DSCAM: variants seen among roughly 807,000 people sequenced by gnomAD.
The protein encoded by DSCAM is cell adhesion molecule DSCAM.
In DSCAM, 47 loss-of-function variants were observed where a neutral mutation model predicts 217.7. That is an observed-to-expected ratio of 0.22 (90% CI 0.17 to 0.28). The LOEUF (loss-of-function observed/expected upper bound fraction) is 0.28. Among genes scored for constraint, DSCAM ranks in the 10% least tolerant of loss-of-function variants. The pLI, the probability that DSCAM is intolerant of heterozygous loss-of-function variation, is 1.00. For missense variants in DSCAM, 2,080 were observed against 2,618.3 expected (o/e 0.79, Z 4.49); for synonymous variants, 1,056 against 1,015.3 (o/e 1.04, Z -0.76).
At chr21:40,478,437 T>TTGG (rs1390938089) in intron 3 of DSCAM, among the ~76,000 whole-genome samples, 1 of 152,206 alleles carries the variant, frequency 6.6e-6, no homozygotes, top group Non-Finnish European at 1.5e-5. Context: ...TTTAAAAAGA[T>TTGG]TGGTCATTTT....
At chr21:40,055,163 A>G (rs948319529) in intron 29 of DSCAM, among the ~76,000 whole-genome samples, 7 of 152,120 alleles carry the variant, frequency 4.6e-5, no homozygotes, top group Non-Finnish European at 8.8e-5. Context: ...AAACCCTAAA[A>G]CTAGGGCCCT....
intron 10 of DSCAM, among the ~76,000 whole-genome samples, chr21:40,280,614 C>T (rs2073747773): frequency 1.3e-5 from 2 of 152,186 alleles, no homozygotes; most frequent in South Asian, 4.1e-4. Flanking sequence ...ATTAGGGAAT[C>T]TGAATTTTTT....
rs2076099881 is a variant in DSCAM, at chr21:40,494,272, G to C, written c.509-125027C>G. 3.3e-5 allele frequency among the ~76,000 whole-genome samples: 5 copies of C among 152,066 alleles called. No homozygotes were observed. The South Asian group carries it at 8.3e-4, about 25-fold the overall frequency. Reference sequence around the variant, plus strand: ...AAGAGTGGATAAGTGGATTTAAAAAGAACACAACATGACCCAACTATGTGC... The same window carrying C: ...AAGAGTGGATAAGTGGATTTAAAAACAACACAACATGACCCAACTATGTGC... On this transcript the variant is annotated intron_variant, in intron 3 of 32. Transcript: ENST00000400454.
intron 26 of DSCAM, 59 bp downstream of exon 26, chr21:40,078,628 G>A: frequency 1.3e-6 from 2 of 1,571,072 alleles, no homozygotes; most frequent in Non-Finnish European, 1.7e-6. Context: ...AAAGGGGCAG[G>A]GCCCACGTGC....
chr21:40,682,611 GAA>G lies in DSCAM; in HGVS notation c.508+10197_508+10198del, dbSNP rs1304979818. On this transcript the variant is annotated intron_variant, in intron 3 of 32. Coordinates refer to ENST00000400454, the MANE Select transcript of DSCAM (RefSeq NM_001389.5). ...AGAGAGAGAGAAAGAGAGAAAGAAA[GAA>G]AGAGAAAGAGAAAGAGAGAGAAAGA... is the stretch of plus-strand genomic sequence containing the variant. Among the ~76,000 whole-genome samples the G allele has an allele frequency of 5.8e-3, 495 of 85,686 alleles. 62 individuals are homozygous for G. The highest frequency in any genetic ancestry group is 6.3e-3 in the Non-Finnish European group (259 of 41,272). 56.2% of individuals were successfully genotyped at this position (85,686 alleles called of 152,430 possible).
At chr21:40,812,705 G>C (rs2091849236) in intron 1 of DSCAM, among the ~76,000 whole-genome samples, 2 of 152,166 alleles carry the variant, frequency 1.3e-5, no homozygotes, top group Non-Finnish European at 2.9e-5. Flanking sequence ...AGAAAGTTAT[G>C]GGCACACATT....
intron 11 of DSCAM, among the ~76,000 whole-genome samples, chr21:40,227,405 G>C (rs1388319713): frequency 6.6e-6 from 1 of 152,222 alleles, no homozygotes; most frequent in Admixed American, 6.5e-5. Context: ...CTTTGGAAAA[G>C]GGTCATTTTT....
At chr21:40,534,446 T>G (rs2076479348) in intron 3 of DSCAM, among the ~76,000 whole-genome samples, 1 of 152,172 alleles carries the variant, frequency 6.6e-6, no homozygotes, top group Non-Finnish European at 1.5e-5. Flanking sequence ...GACTAGAAAA[T>G]GTGCACATCT....
intron 3 of DSCAM, among the ~76,000 whole-genome samples, chr21:40,650,007 G>A (rs559579025): frequency 6.6e-6 from 1 of 152,316 alleles, no homozygotes; most frequent in Admixed American, 6.5e-5. Context: ...GCAGCACAGA[G>A]GAGGTCATAA....
intron 1 of DSCAM, among the ~76,000 whole-genome samples, chr21:40,722,812 A>G (rs1256443034): frequency 3.3e-5 from 5 of 152,160 alleles, no homozygotes; most frequent in East Asian, 3.9e-4. Context: ...CTGATAGACC[A>G]AAAGTAAAAA....
intron 11 of DSCAM, among the ~76,000 whole-genome samples, chr21:40,242,687 G>A (rs1020107206): frequency 6.6e-6 from 1 of 152,218 alleles, no homozygotes; most frequent in Non-Finnish European, 1.5e-5. Flanking sequence ...TTGACACTGT[G>A]ACATGCAACT....
chr21:40,428,997 G>T (rs1430544694), intron 3 of DSCAM, among the ~76,000 whole-genome samples: 1 of 152,018 alleles, frequency 6.6e-6, no homozygotes, highest in African/African-American at 2.4e-5. Flanking sequence ...GCCCCCACAT[G>T]GCTACTGAGT....
intron 1 of DSCAM, among the ~76,000 whole-genome samples, chr21:40,710,912 C>T (rs1386478224): frequency 6.6e-6 from 1 of 152,146 alleles, no homozygotes; most frequent in Non-Finnish European, 1.5e-5. Flanking sequence ...TTCATAGTAT[C>T]TCATACCAGA....
intron 1 of DSCAM, among the ~76,000 whole-genome samples, chr21:40,833,793 G>C (rs552727677): frequency 6.6e-6 from 1 of 152,296 alleles, no homozygotes; most frequent in Non-Finnish European, 1.5e-5. Context: ...CAGTACTGAT[G>C]TTACGGTAAC....
chr21:40,291,637 C>G (rs149129249), intron 10 of DSCAM, among the ~76,000 whole-genome samples: 1 of 152,230 alleles, frequency 6.6e-6, no homozygotes, highest in East Asian at 1.9e-4. Flanking sequence ...CCTCACCTTC[C>G]GGTCTCCCTC....
At chr21:40,676,454 A>G (rs2090339349) in intron 3 of DSCAM, among the ~76,000 whole-genome samples, 1 of 152,246 alleles carries the variant, frequency 6.6e-6, no homozygotes, top group Non-Finnish European at 1.5e-5. Flanking sequence ...TAGGATGTTC[A>G]GGTTTTCTCT....
chr21:40,625,097 T>G (rs2089582183), intron 3 of DSCAM, among the ~76,000 whole-genome samples: 1 of 152,126 alleles, frequency 6.6e-6, no homozygotes, highest in Non-Finnish European at 1.5e-5. Context: ...ATTATTTAGG[T>G]GTCCAAATGT....
chr21:40,767,878 T>C (rs2091407670), intron 1 of DSCAM, among the ~76,000 whole-genome samples: 1 of 109,360 alleles, frequency 9.1e-6, no homozygotes, highest in Non-Finnish European at 1.9e-5. Context: ...TGGCTCACCA[T>C]TTTCTCTCTT....
rs548757217 is a variant in DSCAM at position 40,486,726 on chromosome 21, G to A, written c.509-117481C>T. ...ATTTTCACGGGGTAAACTGATATTT[G>A]AAGAACCTATGCAATATTTCCTTTC... On this transcript the variant is annotated intron_variant, in intron 3 of 32. Transcript: ENST00000400454. 3.1e-3 allele frequency among the ~76,000 whole-genome samples: 468 copies of A among 152,260 alleles called. 6 individuals are homozygous for A. The highest frequency in any genetic ancestry group is 9.4e-3 in the African/African-American group (390 of 41,548).
Sources: gnomAD v4.1 joint callset for allele counts (sites outside exome capture counted in the v4.1 genomes callset) on GRCh38, gnomAD v4.1.1 for gene constraint, MANE v1.5 for transcripts, NCBI Gene and HGNC (gene_info 2026-07-23, HGNC 2026-07-21) for gene names.